The following RPH3A variants were observed in gnomAD, a reference collection of about 807,000 sequenced individuals.
The protein encoded by RPH3A is rabphilin-3A.
A neutral mutation model predicts 102.2 loss-of-function variants in RPH3A; 48 were observed. The ratio of observed to expected loss-of-function variants is 0.47; its 90% CI spans 0.37 to 0.60. RPH3A has a LOEUF of 0.60. Ranked by LOEUF, RPH3A falls within the 20% of genes least tolerant of loss-of-function variation. The pLI is 0.00. For missense variants in RPH3A, 781 were observed against 910.1 expected (o/e 0.86, Z 1.83); for synonymous variants, 310 against 324.3 (o/e 0.96, Z 0.47).
intron 10 of RPH3A, chr12:112,874,243 T>C (rs1411126945): frequency 6.6e-6 from 1 of 152,154 alleles, no homozygotes; most frequent in Non-Finnish European, 1.5e-5. Flanking sequence ...ATTCAGTCCC[T>C]CTCTGGGAAA....
At chr12:112,785,818 C>T (rs959306595) in intron 1 of RPH3A, among the ~76,000 whole-genome samples, 7 of 152,142 alleles carry the variant, frequency 4.6e-5, no homozygotes, top group African/African-American at 1.4e-4. Flanking sequence ...TTCATTATGC[C>T]GTCTCTGCTG....
intron 1 of RPH3A, among the ~76,000 whole-genome samples, chr12:112,593,026 G>A (rs2039490454): frequency 6.6e-6 from 1 of 152,184 alleles, no homozygotes; most frequent in Non-Finnish European, 1.5e-5. Flanking sequence ...AACTTTATAT[G>A]TTGAAACTCC....
At chr12:112,724,028 T>C (rs1037621471) in intron 1 of RPH3A, among the ~76,000 whole-genome samples, 2 of 151,746 alleles carry the variant, frequency 1.3e-5, no homozygotes, top group African/African-American at 4.8e-5. Flanking sequence ...TATGACATAC[T>C]TAACTTTTTC....
intron 1 of RPH3A, among the ~76,000 whole-genome samples, chr12:112,662,228 A>G (rs117784192): frequency 0.014 from 2,156 of 152,274 alleles, 25 homozygotes; most frequent in Non-Finnish European, 0.02. Flanking sequence ...ATCTATTGTA[A>G]GGGAGTGTTT....
In RPH3A at chr12:112,712,925, C is replaced by CTCTTAT. The variant is rs59408440; in HGVS notation, c.-139-79214_-139-79213insATTCTT. Among the ~76,000 whole-genome samples, 124 of 94,570 alleles carry CTCTTAT rather than the reference C, an allele frequency of 1.3e-3. 8 individuals carry two copies. The East Asian group carries it at 0.035, about 27-fold the overall frequency. 62.0% of individuals were successfully genotyped at this position (94,570 alleles called of 152,430 possible). A position where few individuals can be genotyped will look rare whatever the true frequency, so the allele number is the denominator to read the frequency against. On this transcript the variant is annotated intron_variant, in intron 1 of 21. Coordinates refer to the RPH3A transcript ENST00000543106. ...CTTCCTCTTCTTCTTCTTCTTCTTC[C>CTCTTAT]TCTTCTTCTTCTTCTTCTTCTTCTT...
At chr12:112,779,156 AGGT>A (rs1303938600) in intron 1 of RPH3A, among the ~76,000 whole-genome samples, 1 of 152,154 alleles carries the variant, frequency 6.6e-6, no homozygotes, top group Non-Finnish European at 1.5e-5. Context: ...GAAAATAGGG[AGGT>A]GGCCAGAGAA....
At chr12:112,809,063 G>A (rs557969370) in intron 2 of RPH3A, among the ~76,000 whole-genome samples, 1 of 152,254 alleles carries the variant, frequency 6.6e-6, no homozygotes, top group East Asian at 1.9e-4. Flanking sequence ...GAACTAGGAT[G>A]TGACTGTTCA....
In RPH3A at chr12:112,598,482, C is replaced by T. The variant is rs142394074; in HGVS notation, c.-140+23163C>T. ...TTTTCAATGGAATCAATAAATCAGC[C>T]ATCTGATTTATACATCATACTCTTA... is the stretch of plus-strand genomic sequence containing the variant. On this transcript the variant is annotated intron_variant, in intron 1 of 21. Transcript: ENST00000543106. 2.0e-4 allele frequency among the ~76,000 whole-genome samples: 31 copies of T among 152,254 alleles called. 1 individual carries two copies. Among genetic ancestry groups the T allele is most frequent in the African/African-American group, 6.5e-4 (27 of 41,540 alleles).
intron 2 of RPH3A, among the ~76,000 whole-genome samples, chr12:112,813,919 G>A (rs1343733858): frequency 6.6e-6 from 1 of 151,766 alleles, no homozygotes; most frequent in Non-Finnish European, 1.5e-5. Context: ...TACTGTGGGT[G>A]GAAATGAGGG....
chr12:112,777,535 C>G (rs2040976557), intron 1 of RPH3A, among the ~76,000 whole-genome samples: 1 of 152,206 alleles, frequency 6.6e-6, no homozygotes, highest in African/African-American at 2.4e-5. Context: ...GGTGCCTCTG[C>G]TTTTTGCCAT....
At chr12:112,732,913 G>A (rs528839548) in intron 1 of RPH3A, among the ~76,000 whole-genome samples, 1 of 152,322 alleles carries the variant, frequency 6.6e-6, no homozygotes, top group Non-Finnish European at 1.5e-5. Context: ...GGATTAAAAG[G>A]TAATTGGACT....
chr12:112,813,796 G>A (rs985916347), intron 2 of RPH3A, among the ~76,000 whole-genome samples: 2 of 152,236 alleles, frequency 1.3e-5, no homozygotes, highest in Non-Finnish European at 2.9e-5. Context: ...GAAAAGTTAA[G>A]TAATTTGCCC....
chr12:112,788,305 T>C (rs796239539), upstream of RPH3A, among the ~76,000 whole-genome samples: 57 of 152,366 alleles, frequency 3.7e-4, no homozygotes, highest in African/African-American at 1.3e-3. Flanking sequence ...CTTGGGCAGA[T>C]GCCCAGTATG....
At position 112,612,033 on chromosome 12, in the gene RPH3A, T is replaced by G. The variant is rs372220281; in HGVS notation, c.-140+36714T>G. On this transcript the variant is annotated intron_variant, in intron 1 of 21. Transcript: ENST00000543106. ...ATCTTGTGTGGCATTCTTGGAACCG[T>G]AATGAAATCCGGGCTATAAAGACTC... 5.0e-4 allele frequency among the ~76,000 whole-genome samples: 76 copies of G among 152,294 alleles called. 1 individual carries two copies. The highest frequency in any genetic ancestry group is 1.6e-3 in the African/African-American group (68 of 41,560).
intron 1 of RPH3A, among the ~76,000 whole-genome samples, chr12:112,676,758 C>A (rs1351864545): frequency 1.3e-5 from 2 of 152,178 alleles, no homozygotes; most frequent in African/African-American, 4.8e-5. Context: ...GTAGGCAGTG[C>A]TAATGACAGC....
chr12:112,896,051 G>A (rs2043174212), intron 21 of RPH3A, among the ~76,000 whole-genome samples, 178 bp downstream of exon 21: 1 of 152,250 alleles, frequency 6.6e-6, no homozygotes, highest in Non-Finnish European at 1.5e-5. Context: ...GTCTTTACAT[G>A]AAAAGCCTTA....
At chr12:112,768,054 T>C (rs1201925252) in intron 1 of RPH3A, among the ~76,000 whole-genome samples, 1 of 152,170 alleles carries the variant, frequency 6.6e-6, no homozygotes, top group Non-Finnish European at 1.5e-5. Context: ...TGTACAATCT[T>C]GTAAATATAC....
chr12:112,731,048 C>T (rs2040630171), intron 1 of RPH3A, among the ~76,000 whole-genome samples: 1 of 152,156 alleles, frequency 6.6e-6, no homozygotes, highest in Non-Finnish European at 1.5e-5. Context: ...GAGCCGTGTT[C>T]CAGAGGGATC....
At chr12:112,681,400 C>T (rs2040225186) in intron 1 of RPH3A, among the ~76,000 whole-genome samples, 1 of 152,220 alleles carries the variant, frequency 6.6e-6, no homozygotes, top group South Asian at 2.1e-4. Context: ...TATTACTCTC[C>T]TGCCTAAACC....
Sources: gnomAD v4.1 joint callset for allele counts (sites outside exome capture counted in the v4.1 genomes callset) on GRCh38, gnomAD v4.1.1 for gene constraint, MANE v1.5 for transcripts, NCBI Gene and HGNC (gene_info 2026-07-23, HGNC 2026-07-21) for gene names.